Variants in GDPD5 observed in about 807,000 individuals in gnomAD.
GDPD5 encodes the protein glycerophosphodiester phosphodiesterase 2.
GDPD5 carries 48 observed loss-of-function variants against 75.1 expected under a neutral mutation model. The ratio of observed to expected loss-of-function variants is 0.64; its 90% CI spans 0.51 to 0.81. GDPD5 has a LOEUF of 0.81. Among genes scored for constraint, GDPD5 ranks in the 40% least tolerant of loss-of-function variants. GDPD5 has a pLI of 0.00. For missense variants in GDPD5, 706 were observed against 822.6 expected (o/e 0.86, Z 1.73); for synonymous variants, 336 against 339.0 (o/e 0.99, Z 0.10).
At chr11:75,510,989 T>C (rs1592157108) in intron 1 of GDPD5, among the ~76,000 whole-genome samples, 1 of 152,256 alleles carries the variant, frequency 6.6e-6, no homozygotes, top group South Asian at 2.1e-4. Flanking sequence ...AGGCTTGTCT[T>C]TCTTTGAAAA....
intron 16 of GDPD5, among the ~76,000 whole-genome samples, chr11:75,436,591 A>C (rs1948631479): frequency 6.6e-6 from 1 of 151,912 alleles, no homozygotes; most frequent in African/African-American, 2.4e-5. Context: ...AGCAAGGGTG[A>C]GGCCAACATT....
intron 1 of GDPD5, among the ~76,000 whole-genome samples, chr11:75,515,700 G>A (rs1228262001): frequency 6.6e-6 from 1 of 152,246 alleles, no homozygotes; most frequent in South Asian, 2.1e-4. Flanking sequence ...TCGCAGCAGG[G>A]CTGGGGCCGC....
At chr11:75,519,701 T>C (rs1425075041) in intron 1 of GDPD5, among the ~76,000 whole-genome samples, 1 of 152,230 alleles carries the variant, frequency 6.6e-6, no homozygotes, top group Non-Finnish European at 1.5e-5. Flanking sequence ...GCCCAAGTCA[T>C]TTAGCCCTAC....
At chr11:75,521,424 C>T (rs1015880581) in intron 1 of GDPD5, among the ~76,000 whole-genome samples, 8 of 152,256 alleles carry the variant, frequency 5.3e-5, no homozygotes, top group Admixed American at 3.3e-4. Flanking sequence ...TGTGTGACCT[C>T]GGGCAAGATC....
chr11:75,479,351 T>C (rs1335915276), intron 2 of GDPD5: 1 of 152,204 alleles, frequency 6.6e-6, no homozygotes, highest in East Asian at 1.9e-4. Context: ...TCATATGTTC[T>C]GTACCAGGCC....
intron 1 of GDPD5, among the ~76,000 whole-genome samples, chr11:75,492,110 C>T (rs1217832560): frequency 2.0e-5 from 3 of 152,248 alleles, no homozygotes; most frequent in Admixed American, 6.5e-5. Context: ...TTACCTGGGC[C>T]CATGGCTGCC....
At chr11:75,477,074 A>C (rs1949795167) in intron 3 of GDPD5, among the ~76,000 whole-genome samples, 1 of 152,256 alleles carries the variant, frequency 6.6e-6, no homozygotes. Flanking sequence ...CCACTGGCTG[A>C]CAGCGCCCCA....
intron 3 of GDPD5, among the ~76,000 whole-genome samples, chr11:75,468,207 C>G (rs1949567992): frequency 6.6e-6 from 1 of 152,208 alleles, no homozygotes; most frequent in African/African-American, 2.4e-5. Context: ...GGAGCACCTC[C>G]CCTTGGTCCC....
At chr11:75,454,118 T>C (rs1156910264) in intron 6 of GDPD5, among the ~76,000 whole-genome samples, 1 of 152,220 alleles carries the variant, frequency 6.6e-6, no homozygotes, top group Admixed American at 6.5e-5. Context: ...ATTTGCAGTT[T>C]GTTAGCCAAA....
chr11:75,515,471 C>T (rs978264729), intron 1 of GDPD5, among the ~76,000 whole-genome samples: 2 of 152,236 alleles, frequency 1.3e-5, no homozygotes, highest in South Asian at 2.1e-4. Flanking sequence ...ACTTGCTGCA[C>T]GGCCTGTCCC....
chr11:75,446,601 GCA>G (rs1175748869), intron 9 of GDPD5, among the ~76,000 whole-genome samples: 1 of 152,236 alleles, frequency 6.6e-6, no homozygotes, highest in Non-Finnish European at 1.5e-5. Context: ...GTACACACAT[GCA>G]CAGAGGGACA....
At chr11:75,504,917 G>A (rs1411311979) in intron 1 of GDPD5, among the ~76,000 whole-genome samples, 2 of 152,172 alleles carry the variant, frequency 1.3e-5, no homozygotes, top group East Asian at 3.9e-4. Flanking sequence ...CATGAGGTCA[G>A]GAGTTCGAGA....
chr11:75,516,761 T>C (rs1209161291), intron 1 of GDPD5, among the ~76,000 whole-genome samples: 1 of 152,236 alleles, frequency 6.6e-6, no homozygotes, highest in Non-Finnish European at 1.5e-5. Flanking sequence ...CAGGAAGTCC[T>C]TCCTACAAAT....
At chr11:75,441,567 T>G in intron 13 of GDPD5, 79 bp downstream of exon 13, 4 of 1,232,708 alleles carry the variant, frequency 3.2e-6, no homozygotes, top group Non-Finnish European at 4.5e-6. Flanking sequence ...TGTGTGTGTG[T>G]GTTGGGGGGT....
chr11:75,505,583 A>C lies in GDPD5; in HGVS notation c.-144-15263T>G, dbSNP rs138494190. 3.7e-3 allele frequency among the ~76,000 whole-genome samples: 557 copies of C among 152,286 alleles called. 10 individuals are homozygous for C. The highest frequency in any genetic ancestry group is 0.027 in the Admixed American group (406 of 15,298). On this transcript the variant is annotated intron_variant, in intron 1 of 16. Coordinates refer to ENST00000336898, the MANE Select transcript of GDPD5 (RefSeq NM_030792.8). ...TGGGAATAATCTCTGAGTGGGAGGC[A>C]GGAGGCACCAGAGACCTGCAGAGAG...
At chr11:75,520,596 G>C (rs1489705364) in intron 1 of GDPD5, among the ~76,000 whole-genome samples, 2 of 152,318 alleles carry the variant, frequency 1.3e-5, no homozygotes, top group South Asian at 4.1e-4. Flanking sequence ...CCATGAATCA[G>C]CAGCAGAGGA....
At chr11:75,483,366 T>C (rs2135392965) in intron 2 of GDPD5, among the ~76,000 whole-genome samples, 1 of 152,318 alleles carries the variant, frequency 6.6e-6, no homozygotes. Context: ...ACACGCACTA[T>C]GGAGCAGAGG....
chr11:75,457,850 G>T, intron 4 of GDPD5, 64 bp from the exon 5 acceptor site: 1 of 1,325,478 alleles, frequency 7.5e-7, no homozygotes. Context: ...CCAGGAATCA[G>T]GATGGTCTGA....
At chr11:75,472,963 G>A (rs997957057) in intron 3 of GDPD5, among the ~76,000 whole-genome samples, 3 of 152,036 alleles carry the variant, frequency 2.0e-5, no homozygotes, top group Non-Finnish European at 2.9e-5. Context: ...TTGGGGGCAT[G>A]GAGGGGGATT....
Sources: gnomAD v4.1 joint callset for allele counts (sites outside exome capture counted in the v4.1 genomes callset) on GRCh38, gnomAD v4.1.1 for gene constraint, MANE v1.5 for transcripts, NCBI Gene and HGNC (gene_info 2026-07-23, HGNC 2026-07-21) for gene names.